RNMT: variants seen among roughly 807,000 people sequenced by gnomAD.
RNMT encodes mRNA cap guanine-N(7) methyltransferase.
In RNMT, 27 loss-of-function variants were observed where a neutral mutation model predicts 56.0. That is an observed-to-expected ratio of 0.48 (90% CI 0.36 to 0.67). The LOEUF (loss-of-function observed/expected upper bound fraction) is 0.67. Among genes scored for constraint, RNMT ranks in the 30% least tolerant of loss-of-function variants. The pLI, the probability that RNMT is intolerant of heterozygous loss-of-function variation, is 0.00. For missense variants in RNMT, 519 were observed against 552.1 expected, an observed-to-expected ratio of 0.94 and a Z score of 0.60; for synonymous variants, 184 against 176.2, an observed-to-expected ratio of 1.04 and a Z score of -0.35.
At position 13,764,171 on chromosome 18, in the gene RNMT, A is replaced by G. The variant is rs919970779; in HGVS notation, c.*4192A>G. 6.6e-6 allele frequency: 1 copy of G among 152,052 alleles called. No homozygotes were observed. Among genetic ancestry groups the G allele is most frequent in the African/African-American group, 2.4e-5 (1 of 41,390 alleles). 9.4% of individuals were successfully genotyped at this position (152,052 alleles called of 1,614,324 possible). A position where few individuals can be genotyped will look rare whatever the true frequency, so the allele number is the denominator to read the frequency against. ...GTGAGAGGCTGAGAGCAAAGGAGAC[A>G]TTTTTTTCAGTTTTGAGTCGAGTAT... On this transcript the variant is annotated 3_prime_UTR_variant, in exon 12 of 12. Transcript: ENST00000383314.
At position 13,760,546 on chromosome 18, in the gene RNMT, T is replaced by G; in HGVS notation, c.*567T>G. 1.0e-6 allele frequency: 1 copy of G among 985,854 alleles called. No homozygotes were observed. The highest frequency in any genetic ancestry group is 1.2e-6 in the Non-Finnish European group (1 of 829,916). 61.1% of individuals were successfully genotyped at this position (985,854 alleles called of 1,614,324 possible). A position where few individuals can be genotyped will look rare whatever the true frequency, so the allele number is the denominator to read the frequency against. On this transcript the variant is annotated 3_prime_UTR_variant, in exon 12 of 12. Coordinates refer to ENST00000383314, the MANE Select transcript of RNMT (RefSeq NM_003799.3). Reference sequence around the variant, plus strand: ...TTTAGCAATTTATTGCATTTTGAAATAATCATTAACATGCTGCAATTCAGG... The same window carrying G: ...TTTAGCAATTTATTGCATTTTGAAAGAATCATTAACATGCTGCAATTCAGG...
intron 6 of RNMT, among the ~76,000 whole-genome samples, 195 bp downstream of exon 6, chr18:13,740,474 C>G (rs776512315): frequency 2.2e-4 from 33 of 152,284 alleles, no homozygotes; most frequent in Admixed American, 2.0e-3. Flanking sequence ...CTCCCAGGCT[C>G]AAGTGATTCT....
chr18:13,738,912 C>T (rs2044208630), intron 5 of RNMT, among the ~76,000 whole-genome samples: 1 of 152,126 alleles, frequency 6.6e-6, no homozygotes. Flanking sequence ...GGAATTCTAC[C>T]TCAGATCATC....
Position 13,734,696 on chromosome 18 carries a change from G to C in RNMT, c.553+97G>C, listed in dbSNP as rs528167198. ...GCTAGAGCCAAGACTAGGTCTTGAA[G>C]ACAAATTCTTCTAATATTTACTTTT... On this transcript the variant is annotated intron_variant, in intron 4 of 11. Transcript: ENST00000383314. 5.0e-6 allele frequency: 5 copies of C among 1,005,856 alleles called. No individual in the cohort carries two copies. The East Asian group carries it at 1.0e-4, about 21-fold the overall frequency. The allele number at this position is 1,005,856 out of a possible 1,614,324, so 62.3% of individuals were successfully genotyped here. A position where few individuals can be genotyped will look rare whatever the true frequency, so the allele number is the denominator to read the frequency against.
chr18:13,741,493 AT>A lies in RNMT; in HGVS notation c.793-13del. The A allele has an allele frequency of 1.9e-6, 3 of 1,597,918 alleles. No homozygotes were observed. Among genetic ancestry groups the A allele is most frequent in the Non-Finnish European group, 2.6e-6 (3 of 1,169,050 alleles). On this transcript the variant is annotated splice_polypyrimidine_tract_variant and intron_variant, in intron 6 of 11. Coordinates refer to ENST00000383314, the MANE Select transcript of RNMT (RefSeq NM_003799.3). ...TGTAGTTACCTCACAATCTTAACTC[AT>A]TTTAATTTGTTTCAGGAACTTCTGA...
chr18:13,756,423 T>TG (rs1444919134), intron 11 of RNMT, among the ~76,000 whole-genome samples: 3 of 151,670 alleles, frequency 2.0e-5, no homozygotes, highest in Admixed American at 6.6e-5. Context: ...TATGGGTGTG[T>TG]GGGGGGTGGG....
At chr18:13,759,533 A>G (rs1235477685) in intron 11 of RNMT, among the ~76,000 whole-genome samples, 1 of 152,104 alleles carries the variant, frequency 6.6e-6, no homozygotes, top group Non-Finnish European at 1.5e-5. Flanking sequence ...TGTTCCTTTA[A>G]TTCTAGTTTT....
chr18:13,749,879 C>G (rs1009832862), intron 9 of RNMT, among the ~76,000 whole-genome samples: 4 of 151,000 alleles, frequency 2.6e-5, no homozygotes, highest in Admixed American at 1.3e-4. Context: ...TTCACCTCCC[C>G]CTTCTGAGTA....
intron 2 of RNMT, among the ~76,000 whole-genome samples, 186 bp downstream of exon 2, chr18:13,730,941 T>C (rs2149081283): frequency 6.6e-6 from 1 of 152,338 alleles, no homozygotes; most frequent in East Asian, 1.9e-4. Flanking sequence ...CGCCACTTCA[T>C]TTGTCAGCTT....
intron 9 of RNMT, among the ~76,000 whole-genome samples, chr18:13,747,748 A>C (rs184052705): frequency 6.6e-6 from 1 of 152,268 alleles, no homozygotes; most frequent in Admixed American, 6.5e-5. Context: ...CATATTCCTC[A>C]TTAGTTATAT....
At chr18:13,744,156 CTTCTTTTTT>C (rs1433325641) in intron 8 of RNMT, among the ~76,000 whole-genome samples, 1 of 25,954 alleles carries the variant, frequency 3.9e-5, no homozygotes, top group African/African-American at 1.5e-4. Context: ...ACCTAGCGGT[CTTCTTTTTT>C]TTTTTTTTTT....
chr18:13,761,600 G>A lies in RNMT; in HGVS notation c.*1621G>A, dbSNP rs1300506573. 1 of 993,162 alleles carries A rather than the reference G, an allele frequency of 1.0e-6. No homozygotes were observed. The highest frequency in any genetic ancestry group is 4.5e-5 in the South Asian group (1 of 22,228). 61.5% of individuals were successfully genotyped at this position (993,162 alleles called of 1,614,324 possible). On this transcript the variant is annotated 3_prime_UTR_variant, in exon 12 of 12. Transcript: ENST00000383314. ...GGAGAGAAGAATCCTCCAAACGATG[G>A]AGTAGCCAGTGGTAATACAAAGCAG...
intron 9 of RNMT, among the ~76,000 whole-genome samples, chr18:13,746,562 T>C (rs905748668): frequency 6.6e-6 from 1 of 152,254 alleles, no homozygotes. Flanking sequence ...ATAGTACTGC[T>C]TTAAAATAGG....
chr18:13,736,107 T>A (rs2044154142), intron 4 of RNMT, among the ~76,000 whole-genome samples: 1 of 152,254 alleles, frequency 6.6e-6, no homozygotes, highest in Admixed American at 6.5e-5. Context: ...TTTTTCGCTC[T>A]TTCAGTATTT....
chr18:13,746,718 C>T (rs2149097779), intron 9 of RNMT, among the ~76,000 whole-genome samples: 1 of 152,172 alleles, frequency 6.6e-6, no homozygotes, highest in East Asian at 1.9e-4. Context: ...TTACGATAAC[C>T]AGAAAACTCT....
At chr18:13,733,150 G>A (rs1011774408) in intron 3 of RNMT, among the ~76,000 whole-genome samples, 1 of 152,028 alleles carries the variant, frequency 6.6e-6, no homozygotes, top group Non-Finnish European at 1.5e-5. Flanking sequence ...AACCTGTTAC[G>A]TAAAATAGGT....
intron 11 of RNMT, among the ~76,000 whole-genome samples, chr18:13,757,551 C>G (rs918270375): frequency 1.3e-5 from 2 of 152,194 alleles, no homozygotes; most frequent in African/African-American, 4.8e-5. Context: ...TTCATTTGTT[C>G]AAGTTTGATC....
chr18:13,727,635 A>T (rs1442440063), intron 1 of RNMT, among the ~76,000 whole-genome samples: 1 of 152,200 alleles, frequency 6.6e-6, no homozygotes, highest in Non-Finnish European at 1.5e-5. Flanking sequence ...ATTTTGAACT[A>T]CACAATAAGT....
intron 5 of RNMT, 128 bp downstream of exon 5, chr18:13,737,263 C>A: frequency 1.2e-6 from 1 of 820,698 alleles, no homozygotes; most frequent in Non-Finnish European, 1.8e-6. Context: ...TTAATTACGG[C>A]CTGACGCGGT....
Sources: allele counts gnomAD v4.1 joint callset (sites outside exome capture counted in the v4.1 genomes callset), GRCh38; gene constraint gnomAD v4.1.1; transcripts MANE v1.5; gene names NCBI Gene and HGNC (gene_info 2026-07-23, HGNC 2026-07-21).